Variants in SLC24A2 observed in about 807,000 individuals in gnomAD.
SLC24A2 encodes solute carrier family 24 member 2.
In SLC24A2, 36 loss-of-function variants were observed where a neutral mutation model predicts 62.0. The ratio of observed to expected loss-of-function variants is 0.58; its 90% CI spans 0.44 to 0.77. The LOEUF (loss-of-function observed/expected upper bound fraction) is 0.77. SLC24A2 is among the 30% of genes least tolerant of loss of function. SLC24A2 has a pLI of 0.00. For synonymous variants in SLC24A2, 358 were observed against 294.0 expected, an observed-to-expected ratio of 1.22 and a Z score of -2.23; for missense variants, 846 against 817.9, an observed-to-expected ratio of 1.03 and a Z score of -0.42.
chr9:19,873,251 TTTC>T, the SLC24A2 span, among the ~76,000 whole-genome samples: 31 of 151,866 alleles, frequency 2.0e-4, no homozygotes, highest in Non-Finnish European at 1.3e-4. Context: ...CCTCTTTCTC[TTTC>T]TTCTTTTTCT....
intron 2 of SLC24A2, among the ~76,000 whole-genome samples, chr9:19,758,428 C>T (rs1209488882): frequency 6.6e-6 from 1 of 152,152 alleles, no homozygotes; most frequent in Non-Finnish European, 1.5e-5. Context: ...AAAGGAGGAA[C>T]AACCATAAAT....
At chr9:19,522,233 CG>C (rs1833239080) in intron 9 of SLC24A2, among the ~76,000 whole-genome samples, 1 of 152,064 alleles carries the variant, frequency 6.6e-6, no homozygotes, top group Non-Finnish European at 1.5e-5. Context: ...CTCTCGGCCT[CG>C]AGATCCTCCT....
At chr9:19,540,541 T>C (rs1370796118) in intron 8 of SLC24A2, among the ~76,000 whole-genome samples, 4 of 150,046 alleles carry the variant, frequency 2.7e-5, no homozygotes, top group African/African-American at 9.9e-5. Flanking sequence ...GCCCCCACTC[T>C]CTTCTGGCTT....
chr9:19,637,303 C>A (rs1818383007), intron 2 of SLC24A2, among the ~76,000 whole-genome samples: 1 of 152,250 alleles, frequency 6.6e-6, no homozygotes, highest in South Asian at 2.1e-4. Flanking sequence ...TGGGCAGAGA[C>A]TGGGCAGGGT....
chr9:20,010,850 AC>A, the SLC24A2 span, among the ~76,000 whole-genome samples: 1 of 147,748 alleles, frequency 6.8e-6, no homozygotes, highest in East Asian at 2.0e-4. Flanking sequence ...ATGAGTGAGA[AC>A]ATGTGGTGTT....
the SLC24A2 span, among the ~76,000 whole-genome samples, chr9:20,278,493 C>A: frequency 1.3e-5 from 2 of 152,158 alleles, no homozygotes; most frequent in Non-Finnish European, 2.9e-5. Flanking sequence ...GTCTCTAGGG[C>A]AGGGTCAATA....
the SLC24A2 span, among the ~76,000 whole-genome samples, chr9:20,154,592 C>G: frequency 6.6e-6 from 1 of 150,828 alleles, no homozygotes; most frequent in Admixed American, 6.6e-5. Flanking sequence ...GGTAACATTA[C>G]GTAAGGTGTA....
In SLC24A2 at chr9:19,637,045, AATAATATCCAAATAATACTAATAGC is replaced by A. The variant is rs146206048; in HGVS notation, c.931-14771_931-14747del. Among the ~76,000 whole-genome samples, 1,361 of 152,328 alleles carry A rather than the reference AATAATATCCAAATAATACTAATAGC, an allele frequency of 8.9e-3. 24 individuals carry two copies. Among genetic ancestry groups the A allele is most frequent in the African/African-American group, 0.031 (1,294 of 41,564 alleles). ...AAAGGGTATGTATCTTGAAAGCCTA[AATAATATCCAAATAATACTAATAGC>A]ATTAGTATCAAATGCTAACTGACGG... On this transcript the variant is annotated intron_variant, in intron 2 of 10. Coordinates refer to ENST00000341998, the MANE Select transcript of SLC24A2 (RefSeq NM_020344.4).
intron 2 of SLC24A2, among the ~76,000 whole-genome samples, chr9:19,741,356 C>A (rs1821671644): frequency 6.6e-6 from 1 of 152,168 alleles, no homozygotes; most frequent in Admixed American, 6.5e-5. Flanking sequence ...CTTTTTACTT[C>A]CTGTGCACTT....
the SLC24A2 span, among the ~76,000 whole-genome samples, chr9:20,091,579 A>G: frequency 6.6e-6 from 1 of 152,280 alleles, no homozygotes; most frequent in Admixed American, 6.5e-5. Flanking sequence ...AAAATCTTCA[A>G]CCAAGAATTT....
Position 19,560,927 on chromosome 9 carries a change from AGAGAGAG to A in SLC24A2, c.1348-10666_1348-10660del, listed in dbSNP as rs1184358675. Among the ~76,000 whole-genome samples the A allele has an allele frequency of 3.6e-5, 5 of 137,668 alleles. No homozygotes were observed. The East Asian group carries it at 1.0e-3, about 29-fold the overall frequency. The allele number at this position is 137,668 out of a possible 152,430, so 90.3% of individuals were successfully genotyped here. A position where few individuals can be genotyped will look rare whatever the true frequency, so the allele number is the denominator to read the frequency against. On this transcript the variant is annotated intron_variant, in intron 7 of 10. Transcript: ENST00000341998. ...TATATATATATATATAGAGAGAGAG[AGAGAGAG>A]AGAGAGAGAGAGACAGAGTCTTACT...
chr9:20,093,723 G>T, the SLC24A2 span, among the ~76,000 whole-genome samples: 1 of 152,234 alleles, frequency 6.6e-6, no homozygotes, highest in Non-Finnish European at 1.5e-5. Context: ...TACAAAAAAA[G>T]TAGTTAGAAA....
intron 10 of SLC24A2, among the ~76,000 whole-genome samples, chr9:19,518,780 G>T (rs1291419619): frequency 6.6e-6 from 1 of 152,106 alleles, no homozygotes; most frequent in African/African-American, 2.4e-5. Flanking sequence ...TAAAGAAAAT[G>T]CTGGCAAAGC....
intron 8 of SLC24A2, among the ~76,000 whole-genome samples, chr9:19,547,290 G>C (rs953494310): frequency 2.0e-5 from 3 of 152,162 alleles, no homozygotes; most frequent in African/African-American, 7.2e-5. Context: ...GAGCAATGAA[G>C]TAAAGCCCCG....
At chr9:19,571,434 A>G (rs908212290) in intron 7 of SLC24A2, among the ~76,000 whole-genome samples, 1 of 152,202 alleles carries the variant, frequency 6.6e-6, no homozygotes, top group East Asian at 1.9e-4. Context: ...CTGCTAGGTT[A>G]TATTGACTGT....
At chr9:19,572,504 G>A (rs934076429) in intron 7 of SLC24A2, among the ~76,000 whole-genome samples, 2 of 152,058 alleles carry the variant, frequency 1.3e-5, no homozygotes, top group South Asian at 2.1e-4. Context: ...CTGCTTGAAA[G>A]TGTATGGCAC....
the SLC24A2 span, among the ~76,000 whole-genome samples, chr9:19,895,287 T>C: frequency 6.6e-6 from 1 of 151,602 alleles, no homozygotes; most frequent in African/African-American, 2.4e-5. Context: ...CACTATTACA[T>C]CAAACTGCAG....
chr9:19,738,103 G>A (rs960426579), intron 2 of SLC24A2, among the ~76,000 whole-genome samples: 2 of 152,186 alleles, frequency 1.3e-5, no homozygotes, highest in African/African-American at 4.8e-5. Flanking sequence ...CCTACTGGGA[G>A]TCAATACTAT....
At chr9:20,134,126 G>C in the SLC24A2 span, among the ~76,000 whole-genome samples, 2 of 152,256 alleles carry the variant, frequency 1.3e-5, no homozygotes, top group East Asian at 1.9e-4. Context: ...TGGATATGGA[G>C]AGCCAGAAAG....
Sources: allele counts gnomAD v4.1 joint callset (sites outside exome capture counted in the v4.1 genomes callset), GRCh38; gene constraint gnomAD v4.1.1; transcripts MANE v1.5; gene names NCBI Gene and HGNC (gene_info 2026-07-23, HGNC 2026-07-21).